SPECC1: variants seen among roughly 807,000 people sequenced by gnomAD.
The protein encoded by SPECC1 is cytospin-B.
A neutral mutation model predicts 104.1 loss-of-function variants in SPECC1; 62 were observed. That is an observed-to-expected ratio of 0.60 (90% CI 0.49 to 0.74). The LOEUF is 0.74. SPECC1 is among the 30% of genes least tolerant of loss of function. SPECC1 has a pLI of 0.00. For synonymous variants in SPECC1, 513 were observed against 501.6 expected (o/e 1.02, Z -0.30); for missense variants, 1,306 against 1,310.5 (o/e 1.00, Z 0.05).
intron 3 of SPECC1, among the ~76,000 whole-genome samples, chr17:20,180,863 G>A (rs915641743): frequency 4.6e-5 from 7 of 152,250 alleles, no homozygotes; most frequent in East Asian, 3.9e-4. Flanking sequence ...TACAGGGAAT[G>A]TACATTTTCC....
intron 3 of SPECC1, among the ~76,000 whole-genome samples, chr17:20,165,042 T>G (rs2033527678): frequency 6.6e-6 from 1 of 152,208 alleles, no homozygotes; most frequent in South Asian, 2.1e-4. Flanking sequence ...AAATTTATTT[T>G]AAAAAGTTAA....
intron 3 of SPECC1, among the ~76,000 whole-genome samples, chr17:20,182,195 C>T (rs1385320439): frequency 1.4e-5 from 2 of 146,770 alleles, no homozygotes; most frequent in African/African-American, 2.6e-5. Flanking sequence ...TTCACTGGAG[C>T]CTCATCCTCC....
chr17:20,256,225 ATAGCTTATT>A (rs2039825973), intron 10 of SPECC1, among the ~76,000 whole-genome samples: 1 of 152,134 alleles, frequency 6.6e-6, no homozygotes, highest in African/African-American at 2.4e-5. Context: ...TGAGACCACA[ATAGCTTATT>A]GCTCTGCAGT....
chr17:20,158,706 G>C (rs2032840754), intron 3 of SPECC1, among the ~76,000 whole-genome samples: 1 of 152,224 alleles, frequency 6.6e-6, no homozygotes, highest in South Asian at 2.1e-4. Flanking sequence ...GCCAACAGCT[G>C]GAAGCTGTCA....
At position 20,231,786 on chromosome 17, in the gene SPECC1, G is replaced by A; in HGVS notation, c.2100G>A (p.Lys700=). The change falls in exon 6 of 15, where the codon AAG becomes AAA. Residue 700 remains lysine, a synonymous_variant. Transcript: ENST00000395527. ...GTGTGATCAAGCTGGAGGAACAGAA[G>A]TCAGACCTGGAGAGGCAGCTGAAGA... ...ESSVIKLEEQ[K]SDLERQLKTL... 1 of 1,614,108 alleles carries A rather than the reference G, an allele frequency of 6.2e-7. No homozygotes were observed.
intron 1 of SPECC1, among the ~76,000 whole-genome samples, chr17:20,019,498 G>A (rs2044286607): frequency 6.6e-6 from 1 of 152,110 alleles, no homozygotes; most frequent in Admixed American, 6.6e-5. Flanking sequence ...CAGCAGCCTT[G>A]AGAGGGTGTC....
Position 20,245,941 on chromosome 17 carries a change from G to T in SPECC1, c.2367G>T (p.Glu789Asp). 6.2e-7 allele frequency: 1 copy of T among 1,614,132 alleles called. No homozygotes were observed. Among genetic ancestry groups the T allele is most frequent in the East Asian group, 2.2e-5 (1 of 44,878 alleles). Reference protein sequence around the residue: ...SRAAPPPVDEEPESSEVDAAG... With the variant: ...SRAAPPPVDEDPESSEVDAAG... ...TGCCATGCAGACCTGTGGATGAAGA[G>T]CCAGAGTCCTCTGAGGTCGATGCTG... The change falls in exon 8 of 15, where the codon GAG (glutamate) becomes GAT (aspartate). Residue 789 changes from glutamate (E) to aspartate (D), a missense_variant. Transcript: ENST00000395527.
chr17:20,312,571 T>C (rs181233152), intron 14 of SPECC1, among the ~76,000 whole-genome samples: 4 of 152,304 alleles, frequency 2.6e-5, no homozygotes, highest in African/African-American at 9.6e-5. Context: ...ATGTCCAAAT[T>C]GCATGCCCAA....
intron 3 of SPECC1, among the ~76,000 whole-genome samples, chr17:20,133,466 G>A (rs960826146): frequency 1.3e-5 from 2 of 151,836 alleles, no homozygotes; most frequent in Non-Finnish European, 2.9e-5. Context: ...GAATCTACCT[G>A]CCTTAGTGTG....
chr17:20,280,004 T>C (rs1170724343), intron 12 of SPECC1, among the ~76,000 whole-genome samples: 2 of 152,008 alleles, frequency 1.3e-5, no homozygotes, highest in Admixed American at 6.6e-5. Flanking sequence ...ATGTGTGTTG[T>C]TGGGAGGTGG....
At chr17:20,153,748 T>C (rs75180191) in intron 3 of SPECC1, among the ~76,000 whole-genome samples, 1 of 152,218 alleles carries the variant, frequency 6.6e-6, no homozygotes, top group Admixed American at 6.5e-5. Flanking sequence ...CAAAACTCTT[T>C]GAATAAGTAT....
chr17:20,038,138 G>T (rs1260912914), intron 1 of SPECC1, among the ~76,000 whole-genome samples: 1 of 151,910 alleles, frequency 6.6e-6, no homozygotes, highest in East Asian at 1.9e-4. Context: ...CTAGAGGTTT[G>T]TCAATTTTAT....
intron 1 of SPECC1, among the ~76,000 whole-genome samples, chr17:20,071,214 C>T (rs1416365210): frequency 6.6e-6 from 1 of 152,172 alleles, no homozygotes; most frequent in Admixed American, 6.6e-5. Context: ...ACAATCCATT[C>T]TTTATCCTAG....
At position 20,124,255 on chromosome 17, in the gene SPECC1, G is replaced by C. The variant is rs533188504; in HGVS notation, c.283+13693G>C. Reference sequence around the variant, plus strand: ...TTTACAGTGGGGAGGGGAACAGACGGGGGGAAGCAACAGTCATAGGTATGA... The same window carrying C: ...TTTACAGTGGGGAGGGGAACAGACGCGGGGAAGCAACAGTCATAGGTATGA... On this transcript the variant is annotated intron_variant, in intron 3 of 14. Coordinates refer to ENST00000395527, the MANE Select transcript of SPECC1 (RefSeq NM_001243439.2). Among the ~76,000 whole-genome samples the C allele has an allele frequency of 5.9e-5, 9 of 152,284 alleles. No homozygotes were observed. In the South Asian group the frequency reaches 1.2e-3, roughly 21 times the overall value.
chr17:20,128,539 A>G (rs1057347534), intron 3 of SPECC1, among the ~76,000 whole-genome samples: 7 of 152,194 alleles, frequency 4.6e-5, no homozygotes, highest in Non-Finnish European at 8.8e-5. Context: ...CCATCTGTTT[A>G]TTCACAATAT....
rs908267983 is a variant in SPECC1 at position 20,165,881 on chromosome 17, T to C, written c.284-38452T>C. 6.6e-5 allele frequency among the ~76,000 whole-genome samples: 10 copies of C among 152,298 alleles called. No homozygotes were observed. In the South Asian group the frequency reaches 2.1e-3, roughly 32 times the overall value. Reference sequence around the variant, plus strand: ...ACCTGTTGATGTCCTTTGCCCACTTTTTAATGGGTTTTTTTTTTCTTGTAA... The same window carrying C: ...ACCTGTTGATGTCCTTTGCCCACTTCTTAATGGGTTTTTTTTTTCTTGTAA... On this transcript the variant is annotated intron_variant, in intron 3 of 14. Coordinates refer to ENST00000395527, the MANE Select transcript of SPECC1 (RefSeq NM_001243439.2).
chr17:20,041,542 C>T (rs1048048907), intron 1 of SPECC1, among the ~76,000 whole-genome samples: 4 of 150,536 alleles, frequency 2.7e-5, no homozygotes, highest in Non-Finnish European at 1.5e-5. Context: ...TGCACCTGGC[C>T]AAAATATATA....
At chr17:20,282,622 T>C (rs1266450778) in intron 12 of SPECC1, among the ~76,000 whole-genome samples, 1 of 152,104 alleles carries the variant, frequency 6.6e-6, no homozygotes, top group Non-Finnish European at 1.5e-5. Context: ...TGGGTTGCCC[T>C]GCCTGACTGG....
intron 3 of SPECC1, among the ~76,000 whole-genome samples, chr17:20,199,122 T>C (rs2036234754): frequency 6.9e-6 from 1 of 144,796 alleles, no homozygotes; most frequent in Non-Finnish European, 1.5e-5. Flanking sequence ...AGTCTTACTC[T>C]GTTGCCCAGG....
Sources: gnomAD v4.1 joint callset for allele counts (sites outside exome capture counted in the v4.1 genomes callset) on GRCh38, gnomAD v4.1.1 for gene constraint, MANE v1.5 for transcripts, NCBI Gene and HGNC (gene_info 2026-07-23, HGNC 2026-07-21) for gene names.